Variants in SLC25A21 observed in about 807,000 individuals in gnomAD.
SLC25A21 encodes solute carrier family 25 member 21.
Under a neutral mutation model 43.8 loss-of-function variants are expected in SLC25A21, and 47 were observed. That is an observed-to-expected ratio of 1.07 (90% CI 0.85 to 1.37). The LOEUF (loss-of-function observed/expected upper bound fraction) is 1.37. Among genes scored for constraint, SLC25A21 ranks in the 40% most tolerant of loss-of-function variants. The pLI, the probability that SLC25A21 is intolerant of heterozygous loss-of-function variation, is 0.00. For synonymous variants in SLC25A21, 131 were observed against 121.3 expected (o/e 1.08, Z -0.52); for missense variants, 352 against 350.2 (o/e 1.00, Z -0.04).
intron 3 of SLC25A21, among the ~76,000 whole-genome samples, chr14:36,735,840 C>T (rs1303515294): frequency 6.8e-6 from 1 of 146,216 alleles, no homozygotes; most frequent in Non-Finnish European, 1.5e-5. Flanking sequence ...TGTATATAAC[C>T]AGGACACAAA....
intron 1 of SLC25A21, among the ~76,000 whole-genome samples, chr14:36,887,543 A>G (rs1890955368): frequency 6.8e-6 from 1 of 146,362 alleles, no homozygotes; most frequent in Non-Finnish European, 1.5e-5. Flanking sequence ...AGCCTGGGCA[A>G]GACAGCAAGA....
chr14:37,140,727 T>C (rs1361637180), intron 1 of SLC25A21, among the ~76,000 whole-genome samples: 2 of 152,238 alleles, frequency 1.3e-5, no homozygotes, highest in Non-Finnish European at 2.9e-5. Context: ...AATAACATGC[T>C]TCCAAAATAT....
At chr14:36,939,927 T>G (rs1053306172) in intron 1 of SLC25A21, among the ~76,000 whole-genome samples, 1 of 152,170 alleles carries the variant, frequency 6.6e-6, no homozygotes, top group Admixed American at 6.5e-5. Context: ...ATATCTGTTT[T>G]ACATTCAGCG....
At chr14:37,049,812 T>C (rs1961667571) in intron 1 of SLC25A21, among the ~76,000 whole-genome samples, 1 of 152,208 alleles carries the variant, frequency 6.6e-6, no homozygotes, top group Non-Finnish European at 1.5e-5. Flanking sequence ...TTAAAATTAT[T>C]AGTGAGACAT....
At chr14:36,740,263 A>T (rs1188857312) in intron 3 of SLC25A21, among the ~76,000 whole-genome samples, 1 of 152,226 alleles carries the variant, frequency 6.6e-6, no homozygotes, top group Non-Finnish European at 1.5e-5. Flanking sequence ...AGCCCATCAC[A>T]CATAAAACCC....
chr14:37,149,570 C>T (rs1963723951), intron 1 of SLC25A21, among the ~76,000 whole-genome samples: 1 of 152,050 alleles, frequency 6.6e-6, no homozygotes, highest in African/African-American at 2.4e-5. Context: ...TGGTGGGCGC[C>T]TGTAGTCCCA....
At chr14:37,150,547 G>A (rs540825718) in intron 1 of SLC25A21, among the ~76,000 whole-genome samples, 2 of 152,170 alleles carry the variant, frequency 1.3e-5, no homozygotes, top group South Asian at 4.1e-4. Flanking sequence ...ATCTATGCAA[G>A]GCAAAGATGC....
At chr14:37,155,274 G>A (rs562283259) in intron 1 of SLC25A21, among the ~76,000 whole-genome samples, 3 of 152,110 alleles carry the variant, frequency 2.0e-5, no homozygotes, top group East Asian at 3.9e-4. Flanking sequence ...GAATAAGCAA[G>A]GCTTCATGAC....
chr14:36,979,208 T>A (rs960960548), intron 1 of SLC25A21, among the ~76,000 whole-genome samples: 3 of 152,078 alleles, frequency 2.0e-5, no homozygotes, highest in African/African-American at 7.2e-5. Flanking sequence ...AACTAGAAAA[T>A]GGGGTCTTTG....
intron 2 of SLC25A21, among the ~76,000 whole-genome samples, chr14:36,824,823 A>AG (rs34478870): frequency 1.3e-5 from 2 of 150,712 alleles, no homozygotes; most frequent in African/African-American, 2.4e-5. Context: ...AAAAAAAAAA[A>AG]GCCCTCAAGG....
chr14:37,052,201 TA>T lies in SLC25A21; in HGVS notation c.70+120079del, dbSNP rs150761007. 7.0e-3 allele frequency among the ~76,000 whole-genome samples: 1,062 copies of T among 152,312 alleles called. 14 individuals carry two copies. The highest frequency in any genetic ancestry group is 0.024 in the African/African-American group (1,011 of 41,574). ...TAAAGTACAGTTCTCTTAAAGCATT[TA>T]AATGAAGAACTAAAGAAATGTGATC... On this transcript the variant is annotated intron_variant, in intron 1 of 9. Coordinates refer to ENST00000331299, the MANE Select transcript of SLC25A21 (RefSeq NM_030631.4).
chr14:36,842,258 G>A (rs1889407229), intron 2 of SLC25A21, among the ~76,000 whole-genome samples: 1 of 152,042 alleles, frequency 6.6e-6, no homozygotes, highest in Non-Finnish European at 1.5e-5. Flanking sequence ...TTTACCTGGG[G>A]CAATGATATG....
intron 2 of SLC25A21, among the ~76,000 whole-genome samples, chr14:36,834,135 GA>G (rs1030516175): frequency 5.3e-5 from 8 of 152,106 alleles, no homozygotes; most frequent in African/African-American, 1.7e-4. Context: ...AGCAACCTAA[GA>G]ATATAGTAAA....
At chr14:37,015,114 A>C (rs1220642881) in intron 1 of SLC25A21, among the ~76,000 whole-genome samples, 1 of 152,012 alleles carries the variant, frequency 6.6e-6, no homozygotes, top group East Asian at 1.9e-4. Flanking sequence ...ATATGTATAC[A>C]TGTGCCATGC....
chr14:37,024,001 C>A (rs1961040933), intron 1 of SLC25A21, among the ~76,000 whole-genome samples: 1 of 152,070 alleles, frequency 6.6e-6, no homozygotes, highest in Non-Finnish European at 1.5e-5. Flanking sequence ...ACTGTACTGA[C>A]AAATTGTAAT....
At chr14:36,837,006 A>T (rs535213748) in intron 2 of SLC25A21, among the ~76,000 whole-genome samples, 1 of 152,236 alleles carries the variant, frequency 6.6e-6, no homozygotes, top group African/African-American at 2.4e-5. Flanking sequence ...AAGAAAAACA[A>T]GAGAAGGAAC....
At chr14:37,022,601 A>G (rs1251825797) in intron 1 of SLC25A21, among the ~76,000 whole-genome samples, 1 of 151,970 alleles carries the variant, frequency 6.6e-6, no homozygotes, top group Non-Finnish European at 1.5e-5. Context: ...CTAGATCACC[A>G]TATTTTATTT....
chr14:37,090,667 T>C (rs925306791), intron 1 of SLC25A21, among the ~76,000 whole-genome samples: 3 of 152,168 alleles, frequency 2.0e-5, no homozygotes, highest in African/African-American at 7.2e-5. Flanking sequence ...ATTAGGTATG[T>C]CCCTTCAAAC....
chr14:36,808,916 A>T (rs1045186925), intron 3 of SLC25A21: 1 of 152,206 alleles, frequency 6.6e-6, no homozygotes, highest in Non-Finnish European at 1.5e-5. Context: ...AGAGTGGTAG[A>T]TGGGAAGACT....
Sources: gnomAD v4.1 joint callset for allele counts (sites outside exome capture counted in the v4.1 genomes callset) on GRCh38, gnomAD v4.1.1 for gene constraint, MANE v1.5 for transcripts, NCBI Gene and HGNC (gene_info 2026-07-23, HGNC 2026-07-21) for gene names.